The following ELAVL4 variants were observed in gnomAD, a reference collection of about 807,000 sequenced individuals.
ELAVL4 encodes the protein ELAV like RNA binding protein 4.
ELAVL4 carries 1 observed loss-of-function variant against 35.6 expected under a neutral mutation model. That is an observed-to-expected ratio of 0.03 (90% confidence interval 0.01 to 0.13). ELAVL4 has a LOEUF of 0.13. ELAVL4 is among the 10% of genes least tolerant of loss of function. ELAVL4 has a pLI of 1.00. For synonymous variants in ELAVL4, 156 were observed against 171.0 expected, an observed-to-expected ratio of 0.91 and a Z score of 0.69; for missense variants, 267 against 464.9, an observed-to-expected ratio of 0.57 and a Z score of 3.91.
At chr1:50,131,750 A>C (rs1670893382) in intron 1 of ELAVL4, among the ~76,000 whole-genome samples, 1 of 152,080 alleles carries the variant, frequency 6.6e-6, no homozygotes, top group South Asian at 2.1e-4. Flanking sequence ...AGATCACAGC[A>C]CTGCACTCCA....
intron 3 of ELAVL4, among the ~76,000 whole-genome samples, chr1:50,189,770 A>G (rs1030116906): frequency 6.6e-6 from 1 of 152,098 alleles, no homozygotes; most frequent in African/African-American, 2.4e-5. Flanking sequence ...AAATATATCA[A>G]CTCAGTTCTT....
At chr1:50,177,676 G>A (rs920757601) in intron 3 of ELAVL4, among the ~76,000 whole-genome samples, 1 of 152,192 alleles carries the variant, frequency 6.6e-6, no homozygotes, top group African/African-American at 2.4e-5. Flanking sequence ...GAGGCTTTGT[G>A]TGCCAGGCTG....
rs1263845340 is a variant in ELAVL4, at chr1:50,201,769, T to C, written c.*591T>C. Reference sequence around the variant, plus strand: ...GCAAATTTTTTTATTTTTCCTTCTTTCTTTTATATCATGTGAACTAAAACA... The same window carrying C: ...GCAAATTTTTTTATTTTTCCTTCTTCCTTTTATATCATGTGAACTAAAACA... On this transcript the variant is annotated 3_prime_UTR_variant, in exon 7 of 7. Coordinates refer to ENST00000371824, the MANE Select transcript of ELAVL4 (RefSeq NM_001144774.3). This position sits in a 1 kb window ranked among gnomAD's most constrained non-coding sequence, Gnocchi z 4.3. 3 of 152,206 alleles carry C rather than the reference T, an allele frequency of 2.0e-5. No homozygotes were observed. The East Asian group carries it at 5.8e-4, about 29-fold the overall frequency. The allele number at this position is 152,206 out of a possible 1,614,324, so 9.4% of individuals were successfully genotyped here.
At chr1:50,104,544 TG>T (rs1249300224), upstream of ELAVL4, among the ~76,000 whole-genome samples, 6 of 152,340 alleles carry the variant, frequency 3.9e-5, no homozygotes, top group African/African-American at 1.4e-4. Context: ...CTATTGTGTA[TG>T]GCTAAATACG....
intron 1 of ELAVL4, among the ~76,000 whole-genome samples, chr1:50,068,155 G>A (rs1034218187): frequency 1.3e-5 from 2 of 152,192 alleles, no homozygotes; most frequent in Non-Finnish European, 2.9e-5. Flanking sequence ...AGCAGGTTAA[G>A]GGGGATAGGT....
chr1:50,070,412 C>T (rs964684992), intron 1 of ELAVL4, among the ~76,000 whole-genome samples: 3 of 152,154 alleles, frequency 2.0e-5, no homozygotes, highest in African/African-American at 7.2e-5. Context: ...TTTAACTACC[C>T]TGTGCTTTCA....
intron 1 of ELAVL4, among the ~76,000 whole-genome samples, chr1:50,074,094 C>T (rs1367580088): frequency 2.6e-5 from 4 of 152,198 alleles, no homozygotes; most frequent in African/African-American, 9.6e-5. Flanking sequence ...GATCAAGGGT[C>T]CTGGGGCCAT....
intron 1 of ELAVL4, among the ~76,000 whole-genome samples, chr1:50,070,149 G>C (rs1405723316): frequency 6.6e-6 from 1 of 152,196 alleles, no homozygotes; most frequent in Non-Finnish European, 1.5e-5. Flanking sequence ...AATGGTGTTG[G>C]ACATAGAAGG....
chr1:50,158,409 TTGTG>T (rs141113225), intron 2 of ELAVL4, among the ~76,000 whole-genome samples: 1 of 151,028 alleles, frequency 6.6e-6, no homozygotes, highest in African/African-American at 2.4e-5. Flanking sequence ...GATACTCTGT[TTGTG>T]TGTGTGTGTG....
intron 1 of ELAVL4, among the ~76,000 whole-genome samples, chr1:50,064,982 A>G (rs1201498188): frequency 1.3e-5 from 2 of 152,078 alleles, no homozygotes; most frequent in Non-Finnish European, 2.9e-5. Context: ...GATATTTGGT[A>G]TATGTTCAGT....
Position 50,201,438 on chromosome 1 carries a change from T to C in ELAVL4, c.*260T>C. The C allele has an allele frequency of 4.2e-6, 1 of 238,116 alleles. No homozygotes were observed. The highest frequency in any genetic ancestry group is 7.9e-6 in the Non-Finnish European group (1 of 125,790). The allele number at this position is 238,116 out of a possible 1,614,324, so 14.8% of individuals were successfully genotyped here. A position where few individuals can be genotyped will look rare whatever the true frequency, so the allele number is the denominator to read the frequency against. ...CTTTGATGCATTGAATGTTCTTTCA[T>C]AGCTGTCGTTGTTGAATATAATATA... On this transcript the variant is annotated 3_prime_UTR_variant, in exon 7 of 7. Transcript: ENST00000371824. This position sits in a 1 kb window ranked among gnomAD's most constrained non-coding sequence, Gnocchi z 4.3.
At chr1:50,188,978 G>A (rs929057563) in intron 3 of ELAVL4, among the ~76,000 whole-genome samples, 4 of 152,228 alleles carry the variant, frequency 2.6e-5, no homozygotes, top group African/African-American at 7.2e-5. Context: ...ACTGGGATTC[G>A]TGAAGCAGAG....
chr1:50,082,165 A>T (rs975911232), intron 1 of ELAVL4, among the ~76,000 whole-genome samples: 25 of 152,184 alleles, frequency 1.6e-4, no homozygotes, highest in African/African-American at 6.0e-4. Context: ...TTTATAGTGG[A>T]ATGATTTATA....
At chr1:50,188,651 C>T (rs535685928) in intron 3 of ELAVL4, among the ~76,000 whole-genome samples, 2 of 152,294 alleles carry the variant, frequency 1.3e-5, no homozygotes, top group East Asian at 1.9e-4. Flanking sequence ...CCCCACAGGC[C>T]GAGAGCAGAG....
At chr1:50,119,057 AAAGAAAG>A (rs1371086369) in intron 1 of ELAVL4, among the ~76,000 whole-genome samples, 1 of 132,482 alleles carries the variant, frequency 7.5e-6, no homozygotes, top group Non-Finnish European at 1.6e-5. Flanking sequence ...AGAAAGAAAG[AAAGAAAG>A]AAAGAAAGAA....
chr1:50,179,973 G>A (rs370698480), intron 3 of ELAVL4: 1 of 152,098 alleles, frequency 6.6e-6, no homozygotes, highest in Non-Finnish European at 1.5e-5. Flanking sequence ...TCTACCAGTT[G>A]TCCAATACAC....
At chr1:50,051,885 G>A (rs1225410698) in intron 1 of ELAVL4, among the ~76,000 whole-genome samples, 15 of 152,166 alleles carry the variant, frequency 9.9e-5, no homozygotes. Flanking sequence ...TCAAGATGAA[G>A]GTGTTAGCAA....
At chr1:50,137,026 C>G (rs1671993533) in intron 1 of ELAVL4, among the ~76,000 whole-genome samples, 1 of 152,038 alleles carries the variant, frequency 6.6e-6, no homozygotes. Context: ...TATCTAAATG[C>G]AAAACAATAA....
intron 3 of ELAVL4, among the ~76,000 whole-genome samples, chr1:50,183,925 C>G (rs1681434662): frequency 6.6e-6 from 1 of 152,148 alleles, no homozygotes; most frequent in Non-Finnish European, 1.5e-5. Flanking sequence ...ATTTTCTCTC[C>G]TCCTCCATTA....
Sources: allele counts gnomAD v4.1 joint callset (sites outside exome capture counted in the v4.1 genomes callset), GRCh38; gene constraint gnomAD v4.1.1; non-coding constraint Gnocchi (gnomAD v3.1); transcripts MANE v1.5; gene names NCBI Gene and HGNC (gene_info 2026-07-23, HGNC 2026-07-21).